Variants in AOX1 observed in about 807,000 individuals in gnomAD.
The protein encoded by AOX1 is aldehyde oxidase.
In AOX1, 153 loss-of-function variants were observed where a neutral mutation model predicts 169.5. The observed-to-expected ratio is 0.90, with a 90% CI of 0.79 to 1.03. The LOEUF (loss-of-function observed/expected upper bound fraction) is 1.03, where lower values mean the gene tolerates loss of function less well. Among genes scored for constraint, AOX1 ranks in the 50% least tolerant of loss-of-function variants. The pLI is 0.00. For missense variants in AOX1, 1,656 were observed against 1,663.9 expected (o/e 1.00, Z 0.08); for synonymous variants, 562 against 581.9 (o/e 0.97, Z 0.49).
chr2:200,678,690 A>G (rs541898835), downstream of AOX1: 2 of 151,418 alleles, frequency 1.3e-5, no homozygotes, highest in Admixed American at 1.3e-4. Flanking sequence ...AGAAAATATC[A>G]TATCTTTTTG....
intron 20 of AOX1, among the ~76,000 whole-genome samples, 193 bp from the exon 21 acceptor site, chr2:200,634,598 C>G (rs1334728409): frequency 6.6e-6 from 1 of 152,162 alleles, no homozygotes; most frequent in Non-Finnish European, 1.5e-5. Context: ...TTGGCAGACA[C>G]AAAAGATTCT....
At position 200,670,066 on chromosome 2, in the gene AOX1, A is replaced by G. The variant is rs138972585; in HGVS notation, c.3966+324A>G. 2.0e-3 allele frequency among the ~76,000 whole-genome samples: 298 copies of G among 152,186 alleles called. 3 individuals are homozygous for G. Among genetic ancestry groups the G allele is most frequent in the African/African-American group, 7.1e-3 (293 of 41,494 alleles). On this transcript the variant is annotated intron_variant, in intron 34 of 34. Transcript: ENST00000374700. Reference sequence around the variant, plus strand: ...GGTCAGGAATAGAAGTTCAGGAACTATGCCCTGAACCTAGGACACCCAGTC... The same window carrying G: ...GGTCAGGAATAGAAGTTCAGGAACTGTGCCCTGAACCTAGGACACCCAGTC...
chr2:200,643,770 G>A (rs1305430637), intron 25 of AOX1, among the ~76,000 whole-genome samples: 1 of 152,126 alleles, frequency 6.6e-6, no homozygotes, highest in East Asian at 1.9e-4. Context: ...GTAAGGTGGT[G>A]TAGCATTGTG....
intron 26 of AOX1, among the ~76,000 whole-genome samples, chr2:200,654,766 T>C (rs921885957): frequency 1.3e-5 from 2 of 152,234 alleles, no homozygotes; most frequent in Non-Finnish European, 2.9e-5. Context: ...TCTACTTATG[T>C]TGGAGGACCA....
Position 200,651,348 on chromosome 2 carries a change from G to A in AOX1, c.3075+147G>A, listed in dbSNP as rs546540095. The A allele has an allele frequency of 2.5e-5, 17 of 686,356 alleles. No homozygotes were observed. In the South Asian group the frequency reaches 2.8e-4, roughly 11 times the overall value. 42.5% of individuals were successfully genotyped at this position (686,356 alleles called of 1,614,324 possible). ...TTTCACAAAAGCCACCAAAGTCAAA[G>A]TAATTAAGCTAGCTTTACTCCAGAG... On this transcript the variant is annotated intron_variant, in intron 26 of 34. Coordinates refer to ENST00000374700, the MANE Select transcript of AOX1 (RefSeq NM_001159.4).
intron 31 of AOX1, among the ~76,000 whole-genome samples, chr2:200,665,247 G>T (rs1042976041): frequency 1.6e-4 from 24 of 152,318 alleles, no homozygotes; most frequent in African/African-American, 5.3e-4. Context: ...TGTCACCTCT[G>T]CCATAGCCTA....
At chr2:200,657,698 C>T (rs1559258751) in intron 27 of AOX1, among the ~76,000 whole-genome samples, 1 of 152,068 alleles carries the variant, frequency 6.6e-6, no homozygotes, top group African/African-American at 2.4e-5. Flanking sequence ...TACAGTCAAA[C>T]TTTATCTGTT....
chr2:200,590,483 A>G (rs1446369987), intron 1 of AOX1, among the ~76,000 whole-genome samples: 4 of 152,046 alleles, frequency 2.6e-5, no homozygotes, highest in Non-Finnish European at 5.9e-5. Context: ...ACCTCCCTGT[A>G]TCATTCCCAG....
chr2:200,605,709 G>C, intron 10 of AOX1, 81 bp downstream of exon 10: 1 of 601,842 alleles, frequency 1.7e-6, no homozygotes, highest in Non-Finnish European at 2.8e-6. Context: ...AGCAGAAAAA[G>C]AATGATTCCT....
At chr2:200,588,876 A>T (rs1205944004) in intron 1 of AOX1, among the ~76,000 whole-genome samples, 1 of 150,790 alleles carries the variant, frequency 6.6e-6, no homozygotes, top group East Asian at 1.9e-4. Context: ...CTGGTCTCAA[A>T]CTCCTGACCC....
intron 20 of AOX1, among the ~76,000 whole-genome samples, chr2:200,630,856 A>G (rs189311896): frequency 3.7e-4 from 56 of 152,220 alleles, no homozygotes; most frequent in African/African-American, 1.2e-3. Flanking sequence ...GAGTGGGGGT[A>G]AGGGGAGGGA....
chr2:200,678,029 C>T (rs1308030793), downstream of AOX1, among the ~76,000 whole-genome samples: 2 of 152,188 alleles, frequency 1.3e-5, no homozygotes, highest in Non-Finnish European at 2.9e-5. Context: ...TTAACAAGCA[C>T]TAGAGGGACC....
chr2:200,658,235 C>T (rs542147446), intron 27 of AOX1, among the ~76,000 whole-genome samples: 1 of 152,182 alleles, frequency 6.6e-6, no homozygotes, highest in African/African-American at 2.4e-5. Flanking sequence ...CATGACACCC[C>T]TAACCAACAG....
chr2:200,674,420 A>T (rs1259553165), downstream of AOX1, among the ~76,000 whole-genome samples: 1 of 144,870 alleles, frequency 6.9e-6, no homozygotes, highest in African/African-American at 2.5e-5. Context: ...CAGCTGGTCA[A>T]GGGCCTGGGT....
In AOX1 at chr2:200,622,401, T is replaced by G. The variant is rs538659437; in HGVS notation, c.2001+1155T>G. Among the ~76,000 whole-genome samples, 12 of 152,370 alleles carry G rather than the reference T, an allele frequency of 7.9e-5. No individual in the cohort carries two copies. The East Asian group carries it at 1.2e-3, about 15-fold the overall frequency. Reference sequence around the variant, plus strand: ...AGCAAGAACAGCAGTCAACAGGTTTTCTGCATAATTCGGACTGCTCAGTTC... The same window carrying G: ...AGCAAGAACAGCAGTCAACAGGTTTGCTGCATAATTCGGACTGCTCAGTTC... On this transcript the variant is annotated intron_variant, in intron 18 of 34. Coordinates refer to ENST00000374700, the MANE Select transcript of AOX1 (RefSeq NM_001159.4).
chr2:200,609,387 A>G lies in AOX1; in HGVS notation c.1126A>G (p.Asn376Asp). The G allele has an allele frequency of 2.5e-6, 4 of 1,614,074 alleles. No homozygotes were observed. Among genetic ancestry groups the G allele is most frequent in the Non-Finnish European group, 3.4e-6 (4 of 1,179,976 alleles). Residue 376 changes from asparagine (N) to aspartate (D), a missense_variant, in exon 12 of 35, where the codon AAC becomes GAC. Asn to Asp is a conservative substitution (Grantham distance 23). Coordinates refer to ENST00000374700, the MANE Select transcript of AOX1 (RefSeq NM_001159.4). ...SDLNPILAVG[N>D]CTLNLLSKEG... ...TCTGAATCCCATCCTGGCTGTGGGTAACTGTACCCTCAACTTGCTATCAAA... is the reference window on the plus strand; with the variant it reads ...TCTGAATCCCATCCTGGCTGTGGGTGACTGTACCCTCAACTTGCTATCAAA...
Position 200,651,187 on chromosome 2 carries a change from C to T in AOX1, c.3061C>T (p.Arg1021Cys), listed in dbSNP as rs774101325. 2.3e-5 allele frequency: 37 copies of T among 1,613,980 alleles called. No individual in the cohort carries two copies. Among genetic ancestry groups the T allele is most frequent in the East Asian group, 4.5e-5 (2 of 44,888 alleles). Reference protein sequence around the residue: ...PLKFPVGLGSRAAGQAAALVH... With the variant: ...PLKFPVGLGSCAAGQAAALVH... ...GAAGTTTCCTGTTGGCCTTGGCTCACGTGCTGCTGGTCAGGTGAGTTCTCC... is the reference window on the plus strand; with the variant it reads ...GAAGTTTCCTGTTGGCCTTGGCTCATGTGCTGCTGGTCAGGTGAGTTCTCC... Residue 1021 changes from arginine to cysteine, a missense_variant, in exon 26 of 35, where the codon CGT (arginine) becomes TGT (cysteine). By Grantham distance (180) the Arg-to-Cys change is radical (BLOSUM62 -3). Transcript: ENST00000374700.
chr2:200,603,447 G>T, intron 7 of AOX1, 91 bp downstream of exon 7: 1 of 967,940 alleles, frequency 1.0e-6, no homozygotes, highest in South Asian at 1.5e-5. Context: ...TACCCAAGTT[G>T]ACTAACTTGA....
chr2:200,668,767 T>G lies in AOX1; in HGVS notation c.3762T>G (p.Pro1254=). 1 of 1,614,152 alleles carries G rather than the reference T, an allele frequency of 6.2e-7. No individual in the cohort carries two copies. Among genetic ancestry groups the G allele is most frequent in the Non-Finnish European group, 8.5e-7 (1 of 1,180,018 alleles). Residue 1254 remains proline (P), a synonymous_variant, in exon 33 of 35, where the codon CCT becomes CCG. Coordinates refer to ENST00000374700, the MANE Select transcript of AOX1 (RefSeq NM_001159.4). The stretch of plus-strand genomic sequence containing the variant: ...CGGAGTTGCACATTGCTTTGTTGCC[T>G]CCTTCTCAAAACTCAAATACTCTTT... The part of the protein sequence containing the change: ...MPTELHIALL[P]PSQNSNTLYS...
Sources: allele counts gnomAD v4.1 joint callset (sites outside exome capture counted in the v4.1 genomes callset), GRCh38; gene constraint gnomAD v4.1.1; transcripts MANE v1.5; gene names NCBI Gene and HGNC (gene_info 2026-07-23, HGNC 2026-07-21).